C1QTNF3: variants seen among roughly 807,000 people sequenced by gnomAD.
The protein encoded by C1QTNF3 is complement C1q tumor necrosis factor-related protein 3.
In C1QTNF3, 26 loss-of-function variants were observed where a neutral mutation model predicts 32.6. That is an observed-to-expected ratio of 0.80 (90% CI 0.58 to 1.11). The LOEUF (loss-of-function observed/expected upper bound fraction) is 1.11, where lower values mean the gene tolerates loss of function less well. Ranked by LOEUF, C1QTNF3 falls within the 50% of genes least tolerant of loss-of-function variation. C1QTNF3 has a pLI of 0.00. For missense variants in C1QTNF3, 362 were observed against 398.2 expected (o/e 0.91, Z 0.77); for synonymous variants, 155 against 146.0 (o/e 1.06, Z -0.44).
the C1QTNF3 span, among the ~76,000 whole-genome samples, chr5:34,052,680 CT>C: frequency 1.3e-5 from 2 of 152,190 alleles, no homozygotes; most frequent in Admixed American, 1.3e-4. Flanking sequence ...CAGCAAAACA[CT>C]TTCTTCCTAG....
chr5:34,075,468 A>G, the C1QTNF3 span, among the ~76,000 whole-genome samples: 8 of 151,692 alleles, frequency 5.3e-5, no homozygotes, highest in Non-Finnish European at 1.2e-4. Flanking sequence ...GGAAAGAAAA[A>G]GAATAGAGAT....
the C1QTNF3 span, among the ~76,000 whole-genome samples, chr5:34,128,511 C>G: frequency 6.6e-6 from 1 of 152,202 alleles, no homozygotes; most frequent in South Asian, 2.1e-4. Context: ...ATGCCAAGCC[C>G]TGAAAGCAAT....
At chr5:34,026,674 T>C (rs1325488835) in intron 4 of C1QTNF3, among the ~76,000 whole-genome samples, 1 of 152,076 alleles carries the variant, frequency 6.6e-6, no homozygotes, top group Admixed American at 6.5e-5. Flanking sequence ...CTTTGAGTTA[T>C]CCAGTCTAGA....
At chr5:34,136,862 A>G in the C1QTNF3 span, among the ~76,000 whole-genome samples, 4 of 152,220 alleles carry the variant, frequency 2.6e-5, no homozygotes, top group African/African-American at 9.6e-5. Flanking sequence ...ACATGGATGA[A>G]GCTGGAAGCC....
the C1QTNF3 span, among the ~76,000 whole-genome samples, chr5:34,049,219 C>T: frequency 6.6e-6 from 1 of 152,172 alleles, no homozygotes; most frequent in East Asian, 1.9e-4. Flanking sequence ...GAATTAGCCT[C>T]ATTGTACCCT....
At chr5:34,171,659 T>C in the C1QTNF3 span, among the ~76,000 whole-genome samples, 1 of 152,162 alleles carries the variant, frequency 6.6e-6, no homozygotes, top group African/African-American at 2.4e-5. Flanking sequence ...TAAGGGACCA[T>C]GGGAAGGCCT....
chr5:34,218,483 C>G, the C1QTNF3 span: 16 of 151,526 alleles, frequency 1.1e-4, no homozygotes, highest in Non-Finnish European at 2.2e-4. Context: ...AATTAAGAAA[C>G]GCACAAAAGT....
At chr5:34,089,992 A>G in the C1QTNF3 span, among the ~76,000 whole-genome samples, 1 of 152,220 alleles carries the variant, frequency 6.6e-6, no homozygotes, top group Non-Finnish European at 1.5e-5. Flanking sequence ...GTTGTTAATC[A>G]TAATCATAGC....
At chr5:34,121,277 T>C in the C1QTNF3 span, among the ~76,000 whole-genome samples, 1 of 152,190 alleles carries the variant, frequency 6.6e-6, no homozygotes, top group East Asian at 1.9e-4. Context: ...CTATTTGTTT[T>C]TGTTGTTGTT....
At chr5:34,203,032 A>T in the C1QTNF3 span, among the ~76,000 whole-genome samples, 3 of 152,318 alleles carry the variant, frequency 2.0e-5, no homozygotes, top group East Asian at 5.8e-4. Flanking sequence ...ACAAGCACAC[A>T]CTGAGGGAAT....
chr5:34,095,973 A>T, the C1QTNF3 span, among the ~76,000 whole-genome samples: 1 of 151,874 alleles, frequency 6.6e-6, no homozygotes, highest in African/African-American at 2.4e-5. Context: ...AGCACAGAAG[A>T]AAAAGAGCCA....
the C1QTNF3 span, among the ~76,000 whole-genome samples, chr5:34,147,488 A>G: frequency 8.5e-5 from 13 of 152,190 alleles, no homozygotes; most frequent in African/African-American, 3.1e-4. Flanking sequence ...AGCCATAGAA[A>G]AAAGAACGAA....
At chr5:34,175,782 A>T in the C1QTNF3 span, 5 of 685,562 alleles carry the variant, frequency 7.3e-6, no homozygotes, top group Non-Finnish European at 1.3e-5. Context: ...TGAAAAAATG[A>T]GGACGGGTAC....
chr5:34,229,867 A>C, the C1QTNF3 span, among the ~76,000 whole-genome samples: 1 of 152,148 alleles, frequency 6.6e-6, no homozygotes, highest in Admixed American at 6.6e-5. Context: ...AGATAATGTC[A>C]TAAGTGTGGT....
At chr5:34,171,035 A>G in the C1QTNF3 span, among the ~76,000 whole-genome samples, 3 of 152,022 alleles carry the variant, frequency 2.0e-5, no homozygotes, top group Admixed American at 2.0e-4. Context: ...CTTTATTTAA[A>G]ATGGGTTCCA....
intron 4 of C1QTNF3, among the ~76,000 whole-genome samples, chr5:34,028,534 G>C: frequency 6.6e-6 from 1 of 151,934 alleles, no homozygotes; most frequent in African/African-American, 2.4e-5. Context: ...ATTCTAATTC[G>C]TTTACTTTGA....
chr5:34,075,876 G>GGTGTGTGTGTGTGTGTGT, the C1QTNF3 span, among the ~76,000 whole-genome samples: 1 of 146,946 alleles, frequency 6.8e-6, no homozygotes, highest in South Asian at 2.1e-4. Context: ...AAACAATTAT[G>GGTGTGTGTGTGTGTGTGT]GTGTGTGTGT....
At chr5:34,060,015 T>C in the C1QTNF3 span, among the ~76,000 whole-genome samples, 2 of 152,202 alleles carry the variant, frequency 1.3e-5, no homozygotes. Flanking sequence ...CCTCAGGACC[T>C]GATTGCAGAT....
the C1QTNF3 span, among the ~76,000 whole-genome samples, chr5:34,068,977 C>T: frequency 7.9e-5 from 12 of 151,018 alleles, no homozygotes; most frequent in Admixed American, 6.0e-4. Flanking sequence ...GTACTTGCCT[C>T]AAGTTAAGAA....
Sources: gnomAD v4.1 joint callset for allele counts (sites outside exome capture counted in the v4.1 genomes callset) on GRCh38, gnomAD v4.1.1 for gene constraint, MANE v1.5 for transcripts, NCBI Gene and HGNC (gene_info 2026-07-23, HGNC 2026-07-21) for gene names.